Variants in MYO5B observed in about 807,000 individuals in gnomAD.
MYO5B encodes unconventional myosin-Vb.
A neutral mutation model predicts 229.3 loss-of-function variants in MYO5B; 143 were observed. That is an observed-to-expected ratio of 0.62 (90% confidence interval 0.54 to 0.72). The LOEUF (loss-of-function observed/expected upper bound fraction) is 0.72, where lower values mean the gene tolerates loss of function less well. Among genes scored for constraint, MYO5B ranks in the 30% least tolerant of loss-of-function variants. The pLI, the probability that MYO5B is intolerant of heterozygous loss-of-function variation, is 0.00. For missense variants in MYO5B, 2,321 were observed against 2,331.0 expected, an observed-to-expected ratio of 1.00 and a Z score of 0.09; for synonymous variants, 918 against 885.2, an observed-to-expected ratio of 1.04 and a Z score of -0.66.
chr18:50,170,824 T>C (rs79045919), intron 1 of MYO5B, among the ~76,000 whole-genome samples: 1,773 of 128,252 alleles, frequency 0.014, 445 homozygotes, highest in Non-Finnish European at 0.022. Flanking sequence ...ATATTATGAA[T>C]GACTAGAACA....
chr18:49,998,229 C>T (rs1453068913), intron 5 of MYO5B, among the ~76,000 whole-genome samples: 1 of 152,158 alleles, frequency 6.6e-6, no homozygotes. Context: ...TCTGGGATGA[C>T]AAAATGCTCC....
chr18:49,832,848 A>G (rs1188458418), intron 39 of MYO5B, among the ~76,000 whole-genome samples: 5 of 152,220 alleles, frequency 3.3e-5, no homozygotes, highest in Non-Finnish European at 7.3e-5. Flanking sequence ...TCACTAATTC[A>G]AGGTACTCAA....
intron 29 of MYO5B, among the ~76,000 whole-genome samples, chr18:49,858,740 TA>T (rs2024293055): frequency 6.6e-6 from 1 of 152,128 alleles, no homozygotes; most frequent in Non-Finnish European, 1.5e-5. Flanking sequence ...TTGACAAAGA[TA>T]AAAGTAGAGA....
chr18:50,045,550 C>T (rs1232809967), intron 2 of MYO5B, among the ~76,000 whole-genome samples: 1 of 152,124 alleles, frequency 6.6e-6, no homozygotes, highest in African/African-American at 2.4e-5. Flanking sequence ...TGTGCCATCA[C>T]ACTTGGCTAA....
rs773478649 is a variant in MYO5B, at chr18:49,837,678, G to T, written c.4977C>A (p.Arg1659=). 6.2e-7 allele frequency: 1 copy of T among 1,614,138 alleles called. No individual in the cohort carries two copies. The highest frequency in any genetic ancestry group is 1.7e-5 in the Admixed American group (1 of 60,022). The change falls in exon 37 of 40, where the codon CGC becomes CGA. Residue 1659 remains arginine, a synonymous_variant. Transcript: ENST00000285039. The part of the protein sequence containing the change: ...DNSYCLEAII[R]QMNAFHTVMC... ...TGACTGTATGAAAGGCATTCATCTG[G>T]CGGATGATAGCTTCCAGGCAGTATG...
chr18:50,167,941 G>T (rs1009919629), intron 1 of MYO5B, among the ~76,000 whole-genome samples: 1 of 152,128 alleles, frequency 6.6e-6, no homozygotes, highest in Non-Finnish European at 1.5e-5. Context: ...TGCCCTGGGG[G>T]CTGACAGTCT....
intron 1 of MYO5B, among the ~76,000 whole-genome samples, chr18:50,073,903 C>T (rs577267815): frequency 6.6e-6 from 1 of 152,132 alleles, no homozygotes; most frequent in Non-Finnish European, 1.5e-5. Flanking sequence ...CACTCTACTA[C>T]CAACAGGTAT....
chr18:49,857,196 C>T (rs967379168), intron 29 of MYO5B, among the ~76,000 whole-genome samples: 3 of 152,200 alleles, frequency 2.0e-5, no homozygotes, highest in African/African-American at 7.2e-5. Flanking sequence ...GTTCTGGTAA[C>T]TCTGTAAATG....
intron 4 of MYO5B, among the ~76,000 whole-genome samples, chr18:50,019,626 T>C (rs751122475): frequency 2.0e-5 from 3 of 152,220 alleles, no homozygotes; most frequent in Non-Finnish European, 4.4e-5. Flanking sequence ...TCTTTCTCAG[T>C]TCATGTCAAG....
chr18:49,971,587 A>G (rs2144276015), intron 10 of MYO5B, among the ~76,000 whole-genome samples: 1 of 152,348 alleles, frequency 6.6e-6, no homozygotes, highest in East Asian at 1.9e-4. Flanking sequence ...GAGTTCTCCT[A>G]AGAGTTCATT....
intron 34 of MYO5B, among the ~76,000 whole-genome samples, chr18:49,842,289 G>A (rs903622754): frequency 6.6e-6 from 1 of 152,190 alleles, no homozygotes; most frequent in African/African-American, 2.4e-5. Flanking sequence ...ACACAAATCT[G>A]AGAGCCACGA....
chr18:49,987,821 T>C (rs1036687408), intron 7 of MYO5B, among the ~76,000 whole-genome samples: 2 of 152,022 alleles, frequency 1.3e-5, no homozygotes, highest in Non-Finnish European at 2.9e-5. Context: ...CCACCAGAGA[T>C]TGGTGTATCT....
intron 1 of MYO5B, among the ~76,000 whole-genome samples, chr18:50,178,914 C>T (rs959196346): frequency 4.0e-5 from 6 of 151,792 alleles, no homozygotes; most frequent in South Asian, 2.1e-4. Context: ...ATCCCTAGAG[C>T]CTTTATTAAA....
chr18:49,847,423 C>A lies in MYO5B; in HGVS notation c.4316-134G>T, dbSNP rs370365521. 8.9e-5 allele frequency: 102 copies of A among 1,140,486 alleles called. No homozygotes were observed. The East Asian group carries it at 1.6e-3, about 17-fold the overall frequency. 70.6% of individuals were successfully genotyped at this position (1,140,486 alleles called of 1,614,324 possible). Reference sequence around the variant, plus strand: ...CATCTCTGGCAGGTGGAGGATGGCACCTGGGGCAGGGGGCATACTGGGTTC... The same window carrying A: ...CATCTCTGGCAGGTGGAGGATGGCAACTGGGGCAGGGGGCATACTGGGTTC... On this transcript the variant is annotated intron_variant, in intron 32 of 39. Coordinates refer to ENST00000285039, the MANE Select transcript of MYO5B (RefSeq NM_001080467.3).
At chr18:50,084,717 C>T (rs908884001) in intron 1 of MYO5B, among the ~76,000 whole-genome samples, 10 of 152,146 alleles carry the variant, frequency 6.6e-5, no homozygotes, top group South Asian at 2.1e-4. Context: ...AAAACAGAGA[C>T]ACAGATCAAT....
intron 4 of MYO5B, among the ~76,000 whole-genome samples, chr18:50,035,746 T>C (rs1272328775): frequency 1.3e-5 from 2 of 152,220 alleles, no homozygotes; most frequent in Non-Finnish European, 2.9e-5. Flanking sequence ...ATTGCAATAA[T>C]TTTAGCTCCA....
At chr18:50,115,178 T>A (rs1329294225) in intron 1 of MYO5B, among the ~76,000 whole-genome samples, 1 of 152,200 alleles carries the variant, frequency 6.6e-6, no homozygotes, top group Non-Finnish European at 1.5e-5. Context: ...CCAGGGATCC[T>A]GATCCCCAAG....
At chr18:50,019,987 T>C (rs915809586) in intron 4 of MYO5B, among the ~76,000 whole-genome samples, 4 of 152,076 alleles carry the variant, frequency 2.6e-5, no homozygotes, top group African/African-American at 7.2e-5. Flanking sequence ...TCCACAAGCA[T>C]TACACACTGA....
At position 49,835,433 on chromosome 18, in the gene MYO5B, G is replaced by A. The variant is rs764196862; in HGVS notation, c.5314-9C>T. 9 of 1,583,770 alleles carry A rather than the reference G, an allele frequency of 5.7e-6. No individual in the cohort carries two copies. The Admixed American group carries it at 8.3e-5, about 15-fold the overall frequency. ...TTTAAAATTTTGACAATCTGTTGGG[G>A]ATAAAAACGGAATTTAGCACAGAGC... On this transcript the variant is annotated splice_polypyrimidine_tract_variant and intron_variant, in intron 38 of 39. Transcript: ENST00000285039.
Sources: allele counts gnomAD v4.1 joint callset (sites outside exome capture counted in the v4.1 genomes callset), GRCh38; gene constraint gnomAD v4.1.1; transcripts MANE v1.5; gene names NCBI Gene and HGNC (gene_info 2026-07-23, HGNC 2026-07-21).